TSC22D1: variants seen among roughly 807,000 people sequenced by gnomAD.
TSC22D1 encodes the protein TSC22 domain family protein 1.
Under a neutral mutation model 74.2 loss-of-function variants are expected in TSC22D1, and 9 were observed. That is an observed-to-expected ratio of 0.12 (90% CI 0.07 to 0.21). TSC22D1 has a LOEUF of 0.21. Ranked by LOEUF, TSC22D1 falls within the 10% of genes least tolerant of loss-of-function variation. The pLI is 1.00. For missense variants in TSC22D1, 1,427 were observed against 1,304.7 expected, an observed-to-expected ratio of 1.09 and a Z score of -1.44; for synonymous variants, 586 against 492.5, an observed-to-expected ratio of 1.19 and a Z score of -2.51.
intron 1 of TSC22D1, among the ~76,000 whole-genome samples, chr13:44,520,996 G>A (rs1880287738): frequency 6.6e-6 from 1 of 152,144 alleles, no homozygotes; most frequent in South Asian, 2.1e-4. Context: ...TCCCTTTGCA[G>A]ATGAGGAAAC....
At chr13:44,518,564 A>C (rs1483644689) in intron 1 of TSC22D1, among the ~76,000 whole-genome samples, 1 of 152,224 alleles carries the variant, frequency 6.6e-6, no homozygotes, top group East Asian at 1.9e-4. Flanking sequence ...TAACATGCAA[A>C]TTATTTTAAT....
intron 1 of TSC22D1, among the ~76,000 whole-genome samples, chr13:44,443,536 CT>C (rs1254639579): frequency 6.6e-6 from 1 of 152,148 alleles, no homozygotes; most frequent in Non-Finnish European, 1.5e-5. Context: ...ACTTTTCCCC[CT>C]TAGTATTTAA....
At position 44,558,348 on chromosome 13, in the gene TSC22D1, T is replaced by C. The variant is rs567069348; in HGVS notation, c.2912+14815A>G. On this transcript the variant is annotated intron_variant, in intron 1 of 2. Transcript: ENST00000458659. ...TACAGTAAAAAAAATTTTTGAATCA[T>C]TTCCCTGTCATATAATCCTCAGGTC... is the stretch of plus-strand genomic sequence containing the variant. Among the ~76,000 whole-genome samples the C allele has an allele frequency of 3.3e-5, 5 of 152,364 alleles. No homozygotes were observed. In the East Asian group the frequency reaches 9.6e-4, roughly 29 times the overall value.
intron 1 of TSC22D1, among the ~76,000 whole-genome samples, chr13:44,519,181 TTATC>T (rs1163186900): frequency 6.6e-6 from 1 of 152,238 alleles, no homozygotes; most frequent in Non-Finnish European, 1.5e-5. Flanking sequence ...CATTGTGATC[TTATC>T]TTTCATTGAT....
intron 1 of TSC22D1, among the ~76,000 whole-genome samples, chr13:44,453,184 T>C (rs1052951624): frequency 1.3e-5 from 2 of 152,262 alleles, no homozygotes; most frequent in Non-Finnish European, 2.9e-5. Context: ...CCTTTGAATA[T>C]GTTTCTGTGC....
At chr13:44,524,194 G>A (rs1310286907) in intron 1 of TSC22D1, among the ~76,000 whole-genome samples, 3 of 151,704 alleles carry the variant, frequency 2.0e-5, no homozygotes, top group African/African-American at 7.3e-5. Flanking sequence ...TAAATTGAAG[G>A]CAAATTCAGA....
chr13:44,533,320 G>A (rs1292953504), intron 1 of TSC22D1, among the ~76,000 whole-genome samples: 1 of 151,240 alleles, frequency 6.6e-6, no homozygotes, highest in Non-Finnish European at 1.5e-5. Flanking sequence ...AAATTAGCTG[G>A]GCATGGTGGT....
intron 1 of TSC22D1, among the ~76,000 whole-genome samples, chr13:44,482,496 G>A (rs901785645): frequency 9.9e-5 from 15 of 152,218 alleles, no homozygotes; most frequent in African/African-American, 2.6e-4. Context: ...CCGAGATCAC[G>A]CCACTGCACT....
At chr13:44,435,022 G>A (rs1874427535) in intron 2 of TSC22D1, 139 bp from the exon 3 acceptor site, 3 of 715,740 alleles carry the variant, frequency 4.2e-6, no homozygotes, top group Non-Finnish European at 7.2e-6. Flanking sequence ...GACACTTGGG[G>A]AAATCTGAAT....
intron 1 of TSC22D1, among the ~76,000 whole-genome samples, chr13:44,480,108 T>A (rs1444626235): frequency 6.6e-6 from 1 of 152,114 alleles, no homozygotes; most frequent in African/African-American, 2.4e-5. Context: ...ATCTTTTTTT[T>A]AAATTGAATG....
intron 1 of TSC22D1, among the ~76,000 whole-genome samples, chr13:44,561,836 AC>A (rs956104183): frequency 6.6e-6 from 1 of 152,198 alleles, no homozygotes; most frequent in African/African-American, 2.4e-5. Flanking sequence ...GAAGTAAAGG[AC>A]CAAAAATTAC....
chr13:44,545,612 A>C (rs2138118541), intron 1 of TSC22D1, among the ~76,000 whole-genome samples: 1 of 150,996 alleles, frequency 6.6e-6, no homozygotes, highest in East Asian at 1.9e-4. Flanking sequence ...TAATCTTCCT[A>C]CTGTATTTTT....
intron 1 of TSC22D1, among the ~76,000 whole-genome samples, chr13:44,487,428 G>A (rs1021782330): frequency 4.2e-5 from 6 of 142,218 alleles, no homozygotes; most frequent in Non-Finnish European, 9.1e-5. Context: ...GAACCTGGGA[G>A]GTGGAGGTTG....
chr13:44,456,231 A>G (rs1165485991), intron 1 of TSC22D1, among the ~76,000 whole-genome samples: 2 of 152,176 alleles, frequency 1.3e-5, no homozygotes, highest in Non-Finnish European at 2.9e-5. Flanking sequence ...CAAAGCTTCC[A>G]CGGCGGAGAA....
chr13:44,436,979 C>T (rs1323612597), intron 1 of TSC22D1: 4 of 998,450 alleles, frequency 4.0e-6, no homozygotes, highest in African/African-American at 3.5e-5. Context: ...TTCCCCGCCT[C>T]CCCCCACCCC....
In TSC22D1 at chr13:44,576,001, G is replaced by A; in HGVS notation, c.74C>T (p.Pro25Leu). The A allele has an allele frequency of 5.7e-6, 9 of 1,592,440 alleles. No homozygotes were observed. Among genetic ancestry groups the A allele is most frequent in the Non-Finnish European group, 6.8e-6 (8 of 1,169,502 alleles). The change falls in exon 1 of 3, where the codon CCG (proline) becomes CTG (leucine). Residue 25 changes from proline (P) to leucine (L), a missense_variant. Pro to Leu is a moderately conservative substitution (Grantham distance 98). Around this residue, in one of 3 missense-constraint regions of TSC22D1, gnomAD observed 1,343 missense variants for 1,191.5 expected, o/e 1.13. Coordinates refer to ENST00000458659, the MANE Select transcript of TSC22D1 (RefSeq NM_183422.4). ...ADISARKMAH[P>L]AMFPRRGSGS... Reference sequence around the variant, plus strand: ...GCTGCCCCTTCGAGGGAACATTGCCGGGTGCGCCATCTTCCTAGCGCTAAT... The same window carrying A: ...GCTGCCCCTTCGAGGGAACATTGCCAGGTGCGCCATCTTCCTAGCGCTAAT...
At chr13:44,541,072 A>G (rs1881440579) in intron 1 of TSC22D1, among the ~76,000 whole-genome samples, 1 of 152,190 alleles carries the variant, frequency 6.6e-6, no homozygotes, top group African/African-American at 2.4e-5. Context: ...CATACCAACT[A>G]GTTATCACAA....
Position 44,464,312 on chromosome 13 carries a change from T to G in TSC22D1, c.2913-28217A>C, listed in dbSNP as rs184152791. Reference sequence around the variant, plus strand: ...TTATGTCACTTTCATTGTTCCATTTTTTTAAAAGCGTAATGTTCATATTAC... The same window carrying G: ...TTATGTCACTTTCATTGTTCCATTTGTTTAAAAGCGTAATGTTCATATTAC... On this transcript the variant is annotated intron_variant, in intron 1 of 2. Coordinates refer to ENST00000458659, the MANE Select transcript of TSC22D1 (RefSeq NM_183422.4). 6.3e-4 allele frequency among the ~76,000 whole-genome samples: 96 copies of G among 152,340 alleles called. 2 individuals carry two copies. The East Asian group carries it at 0.017, about 27-fold the overall frequency.
At chr13:44,507,640 G>A (rs919040324) in intron 1 of TSC22D1, among the ~76,000 whole-genome samples, 3 of 152,190 alleles carry the variant, frequency 2.0e-5, no homozygotes, top group Non-Finnish European at 2.9e-5. Context: ...TTTACAGCTT[G>A]CTGTAATGTC....
Sources: gnomAD v4.1 joint callset for allele counts (sites outside exome capture counted in the v4.1 genomes callset) on GRCh38, gnomAD v4.1.1 for gene constraint, gnomAD v4.1.1 regional missense constraint, MANE v1.5 for transcripts, NCBI Gene and HGNC (gene_info 2026-07-23, HGNC 2026-07-21) for gene names.